ACE: variants seen among roughly 807,000 people sequenced by gnomAD.
ACE encodes angiotensin I converting enzyme.
In ACE, 122 loss-of-function variants were observed where a neutral mutation model predicts 162.3. The observed-to-expected ratio is 0.75, with a 90% CI of 0.65 to 0.87. ACE has a LOEUF of 0.87. Ranked by LOEUF, ACE falls within the 40% of genes least tolerant of loss-of-function variation. The pLI, the probability that ACE is intolerant of heterozygous loss-of-function variation, is 0.00. For missense variants in ACE, 1,799 were observed against 1,735.1 expected (o/e 1.04, Z -0.65); for synonymous variants, 796 against 720.6 (o/e 1.10, Z -1.68).
chr17:63,486,838 C>G, intron 14 of ACE, 123 bp downstream of exon 14: 2 of 1,472,548 alleles, frequency 1.4e-6, no homozygotes, highest in South Asian at 2.3e-5. Context: ...ATCTGCCATG[C>G]GATGTGCACC....
At position 63,479,831 on chromosome 17, in the gene ACE, T is replaced by C; in HGVS notation, c.574T>C (p.Trp192Arg). ...YAMLLFAWEGWHNAAGIPLKP... is the reference protein window; with the variant it reads ...YAMLLFAWEGRHNAAGIPLKP... ...CATGCTCCTGTTTGCCTGGGAGGGC[T>C]GGCACAACGCTGCGGGCATCCCGCT... The change falls in exon 4 of 25, where the codon TGG becomes CGG. Residue 192 changes from tryptophan (W) to arginine (R), a missense_variant. Trp to Arg is a moderately radical substitution (Grantham distance 101, BLOSUM62 -3). Transcript: ENST00000290866. 6.2e-7 allele frequency: 1 copy of C among 1,613,376 alleles called. No homozygotes were observed. The highest frequency in any genetic ancestry group is 8.5e-7 in the Non-Finnish European group (1 of 1,180,038).
At chr17:63,477,495 G>A in intron 1 of ACE, 152 bp downstream of exon 1, 2 of 463,844 alleles carry the variant, frequency 4.3e-6, no homozygotes, top group Non-Finnish European at 5.8e-6. Flanking sequence ...CGGGGCCCGA[G>A]CGCCGGGCTG....
Position 63,496,985 on chromosome 17 carries a change from GGT to G in ACE, c.3691+1_3691+2del. On this transcript the variant is annotated splice_donor_variant, in intron 24 of 24. Transcript: ENST00000290866. LOFTEE classifies it high-confidence loss of function. Reference sequence around the variant, plus strand: ...GCAGTACAACTGGACGCCGAACTCCGGTACCGCCACCCACCCCACCTCCAGCC... The same window carrying G: ...GCAGTACAACTGGACGCCGAACTCCGACCGCCACCCACCCCACCTCCAGCC... 6.2e-7 allele frequency: 1 copy of G among 1,608,600 alleles called. No homozygotes were observed. The highest frequency in any genetic ancestry group is 1.1e-5 in the South Asian group (1 of 90,496).
chr17:63,486,212 C>T (rs1223632292), intron 13 of ACE: 3 of 373,638 alleles, frequency 8.0e-6, no homozygotes, highest in Admixed American at 3.9e-5. Flanking sequence ...AGCTTATTCC[C>T]ATTTTACAGA....
chr17:63,493,395 G>A (rs747549043), intron 19 of ACE, 41 bp from the exon 20 acceptor site: 2 of 1,595,678 alleles, frequency 1.3e-6, no homozygotes, highest in South Asian at 1.1e-5. Flanking sequence ...GCTTCTCACT[G>A]TCCTCTCCCA....
chr17:63,494,277 GC>G (rs2030588648), intron 21 of ACE, 94 bp from the exon 22 acceptor site: 2 of 1,323,940 alleles, frequency 1.5e-6, no homozygotes, highest in African/African-American at 2.9e-5. Context: ...GCCCAGTATA[GC>G]CCCAAGTGCA....
In ACE at chr17:63,477,134, C is replaced by CT; in HGVS notation, c.41dup (p.Pro15AlafsTer28). 1 of 1,422,978 alleles carries CT rather than the reference C, an allele frequency of 7.0e-7. No homozygotes were observed. The allele number at this position is 1,422,978 out of a possible 1,614,324, so 88.1% of individuals were successfully genotyped here. On this transcript the variant is annotated frameshift_variant, in exon 1 of 25. Coordinates refer to ENST00000290866, the MANE Select transcript of ACE (RefSeq NM_000789.4). LOFTEE classifies it high-confidence loss of function. Reference sequence around the variant, plus strand: ...GGGCCGCCGGGGGCCGGGGCTGCTGCTGCCGCTGCCGCTGCTGTTGCTGCT... The same window carrying CT: ...GGGCCGCCGGGGGCCGGGGCTGCTGCTTGCCGCTGCCGCTGCTGTTGCTGCT...
rs1381813530 is a variant in ACE, at chr17:63,477,795, C to G, written c.250-136C>G. ...GCGCGGCTTCCGCAAACTAAGGTCT[C>G]CCGCAGGGATCTCCCCAGGGCCCGG... On this transcript the variant is annotated intron_variant, in intron 1 of 24. Transcript: ENST00000290866. 4.6e-6 allele frequency: 5 copies of G among 1,085,948 alleles called. No homozygotes were observed. In the South Asian group the frequency reaches 7.6e-5, roughly 16 times the overall value. The allele number at this position is 1,085,948 out of a possible 1,614,324, so 67.3% of individuals were successfully genotyped here. A position where few individuals can be genotyped will look rare whatever the true frequency, so the allele number is the denominator to read the frequency against.
rs1449049567 is a variant in ACE at position 63,488,469 on chromosome 17, T to C, written c.2306-179T>C. 10 of 393,958 alleles carry C rather than the reference T, an allele frequency of 2.5e-5. 1 individual carries two copies. The Admixed American group carries it at 4.0e-4, about 16-fold the overall frequency. 24.4% of individuals were successfully genotyped at this position (393,958 alleles called of 1,614,324 possible). ...GCATGTGGCCCCAGGCCGGGGACTCTGTAAGCCACTGCTGGAGAGCCACTC... is the reference window on the plus strand; with the variant it reads ...GCATGTGGCCCCAGGCCGGGGACTCCGTAAGCCACTGCTGGAGAGCCACTC... On this transcript the variant is annotated intron_variant, in intron 15 of 24. Coordinates refer to ENST00000290866, the MANE Select transcript of ACE (RefSeq NM_000789.4).
chr17:63,487,714 C>T (rs1191473444), intron 15 of ACE, among the ~76,000 whole-genome samples: 1 of 152,180 alleles, frequency 6.6e-6, no homozygotes, highest in Admixed American at 6.5e-5. Context: ...ACACAGATAC[C>T]TCCCAGCTCC....
In ACE at chr17:63,494,518, C is replaced by CT. The variant is rs550288953; in HGVS notation, c.3380+51dup. The CT allele has an allele frequency of 1.1e-4, 168 of 1,525,998 alleles. 1 individual carries two copies. The African/African-American group carries it at 2.2e-3, about 20-fold the overall frequency. The allele number at this position is 1,525,998 out of a possible 1,614,324, so 94.5% of individuals were successfully genotyped here. On this transcript the variant is annotated intron_variant, in intron 22 of 24. Coordinates refer to ENST00000290866, the MANE Select transcript of ACE (RefSeq NM_000789.4). The stretch of plus-strand genomic sequence containing the variant: ...ACATTGTGAGGGGCAGTACCCACAG[C>CT]TTTGTGTTTCAACTGCGGCCACTGC...
chr17:63,481,788 G>T (rs544451599), intron 7 of ACE, 50 bp downstream of exon 7: 1 of 1,611,194 alleles, frequency 6.2e-7, no homozygotes, highest in East Asian at 2.2e-5. Flanking sequence ...TCTGGGGCCC[G>T]GGGAAAGGCA....
rs112577612 is a variant in ACE at position 63,496,430 on chromosome 17, C to T, written c.3417C>T (p.His1139=). ...GCTTCATCATCCAGTTCCAGTTCCA[C>T]GAGGCACTGTGCCAGGCAGCTGGCC... ...FVSFIIQFQF[H]EALCQAAGHT... is the part of the protein sequence containing the mutation. The change falls in exon 23 of 25, where the codon CAC becomes CAT. Residue 1139 remains histidine (H), a synonymous_variant. Coordinates refer to ENST00000290866, the MANE Select transcript of ACE (RefSeq NM_000789.4). 1.9e-5 allele frequency: 30 copies of T among 1,614,216 alleles called. No individual in the cohort carries two copies. Among genetic ancestry groups the T allele is most frequent in the East Asian group, 1.1e-4 (5 of 44,878 alleles).
Position 63,488,983 on chromosome 17 carries a change from C to A in ACE, c.2492C>A (p.Thr831Lys). ...GACTCGTGGAGGTCTATGTACGAGA[C>A]ACCATCCCTGGAGCAAGACCTGGAG... Reference protein sequence around the residue: ...AGDSWRSMYETPSLEQDLERL... With the variant: ...AGDSWRSMYEKPSLEQDLERL... Residue 831 changes from threonine (T) to lysine (K), a missense_variant, in exon 17 of 25, where the codon ACA becomes AAA. By Grantham distance (78) the Thr-to-Lys change is moderately conservative. Transcript: ENST00000290866. 1 of 1,614,202 alleles carries A rather than the reference C, an allele frequency of 6.2e-7. No homozygotes were observed. Among genetic ancestry groups the A allele is most frequent in the South Asian group, 1.1e-5 (1 of 91,088 alleles).
At chr17:63,485,126 G>A in intron 12 of ACE, 110 bp from the exon 13 acceptor site, 1 of 1,545,144 alleles carries the variant, frequency 6.5e-7, no homozygotes, top group Non-Finnish European at 8.7e-7. Context: ...GCCGGGTAGG[G>A]ACAGGGCAGG....
intron 5 of ACE, 65 bp from the exon 6 acceptor site, chr17:63,481,026 C>A: frequency 6.6e-7 from 1 of 1,506,848 alleles, no homozygotes; most frequent in Non-Finnish European, 9.2e-7. Context: ...TGCCACTCAG[C>A]GATGCATGAA....
At chr17:63,490,496 C>T (rs544876859) in intron 17 of ACE, 16 of 210,444 alleles carry the variant, frequency 7.6e-5, no homozygotes, top group South Asian at 4.0e-4. Context: ...GCGAGGGGGG[C>T]GGTCACTTAA....
chr17:63,477,632 C>T, intron 1 of ACE: 1 of 432,562 alleles, frequency 2.3e-6, no homozygotes, highest in Non-Finnish European at 4.1e-6. Context: ...GGGCAGCTGC[C>T]TTCTCACCTC....
At position 63,497,115 on chromosome 17, in the gene ACE, T is replaced by C. The variant is rs377000767; in HGVS notation, c.3692-22T>C. 1.2e-3 allele frequency: 1,870 copies of C among 1,599,950 alleles called. 3 individuals carry two copies. The highest frequency in any genetic ancestry group is 2.3e-3 in the Admixed American group (138 of 58,962). ...CTGCCCTGCCCTGCCCTGCCCATGC[T>C]GTCTCCTTGCTTCCCGCTCAGCTCG... On this transcript the variant is annotated intron_variant, in intron 24 of 24. Transcript: ENST00000290866.
Sources: allele counts gnomAD v4.1 joint callset (sites outside exome capture counted in the v4.1 genomes callset), GRCh38; gene constraint gnomAD v4.1.1; transcripts MANE v1.5; gene names NCBI Gene and HGNC (gene_info 2026-07-23, HGNC 2026-07-21).